Variants in TEX11 observed in about 807,000 individuals in gnomAD.
TEX11 encodes testis expressed 11, also known as testis-expressed protein 11.
A neutral mutation model predicts 84.4 loss-of-function variants in TEX11; 7 were observed. The observed-to-expected ratio is 0.08, with a 90% confidence interval of 0.05 to 0.16. The LOEUF is 0.16. Among genes scored for constraint, TEX11 ranks in the 10% least tolerant of loss-of-function variants. TEX11 has a pLI of 1.00. For synonymous variants in TEX11, 264 were observed against 222.8 expected (o/e 1.18, Z -1.64); for missense variants, 551 against 660.5 (o/e 0.83, Z 1.82).
intron 13 of TEX11, among the ~76,000 whole-genome samples, chrX:70,716,976 G>A (rs987777335): frequency 3.6e-4 from 41 of 112,417 alleles, no homozygotes; most frequent in African/African-American, 1.3e-3. Flanking sequence ...ATGTCAGAGA[G>A]TAAATAGATA....
At chrX:70,593,169 A>C (rs73542405) in intron 24 of TEX11, among the ~76,000 whole-genome samples, 5,483 of 110,355 alleles carry the variant, frequency 0.05, 288 homozygotes, top group African/African-American at 0.15. Flanking sequence ...CAATAGAAGA[A>C]GGTCATCTAG....
At chrX:70,758,025 T>G (rs979371252) in intron 9 of TEX11, among the ~76,000 whole-genome samples, 1 of 111,183 alleles carries the variant, frequency 9.0e-6, no homozygotes, top group Non-Finnish European at 1.9e-5. Context: ...AAGAGACAAA[T>G]AAGGCCATTA....
At chrX:70,628,861 A>G (rs1452554634) in intron 18 of TEX11, among the ~76,000 whole-genome samples, 1 of 112,628 alleles carries the variant, frequency 8.9e-6, no homozygotes, top group African/African-American at 3.2e-5. Context: ...CATTTGATGT[A>G]GAAAGCCAAA....
chrX:70,688,811 A>G (rs1411481489), intron 13 of TEX11, among the ~76,000 whole-genome samples: 1 of 105,378 alleles, frequency 9.5e-6, no homozygotes, highest in Non-Finnish European at 1.9e-5. Context: ...GATATTTTAT[A>G]TATATATATA....
At chrX:70,639,616 C>T in intron 17 of TEX11, among the ~76,000 whole-genome samples, 1 of 111,699 alleles carries the variant, frequency 9.0e-6, no homozygotes, top group Middle Eastern at 4.6e-3. Context: ...TGACCCCTGA[C>T]CCCCAAGCAG....
chrX:70,540,474 T>C (rs978409797), intron 28 of TEX11, among the ~76,000 whole-genome samples: 2 of 111,996 alleles, frequency 1.8e-5, no homozygotes, highest in Admixed American at 9.6e-5. Flanking sequence ...TTCTTTTTTT[T>C]TCAATTGTTT....
Position 70,727,420 on chromosome X carries a change from C to T in TEX11, c.844-2077G>A, listed in dbSNP as rs906191941. On this transcript the variant is annotated intron_variant, in intron 11 of 29. Transcript: ENST00000374333. ...TACAGAATAATAATAAAACAAACAC[C>T]GGTGTCCTCACTACCAAGGTTAAGA... 1.6e-4 allele frequency among the ~76,000 whole-genome samples: 18 copies of T among 111,300 alleles called. No homozygotes were observed. The East Asian group carries it at 1.7e-3, about 10-fold the overall frequency.
At chrX:70,813,450 G>A (rs1427337483) in intron 8 of TEX11, among the ~76,000 whole-genome samples, 2 of 111,512 alleles carry the variant, frequency 1.8e-5, no homozygotes, top group African/African-American at 6.5e-5. Context: ...GATGTATCTT[G>A]AAATAATAAG....
intron 14 of TEX11, among the ~76,000 whole-genome samples, chrX:70,681,355 T>C (rs1373037299): frequency 8.9e-6 from 1 of 112,474 alleles, no homozygotes; most frequent in African/African-American, 3.2e-5. Context: ...TAAGTGGAAT[T>C]TTAGGAAAAT....
At chrX:70,735,906 T>C (rs1569424381) in intron 11 of TEX11, among the ~76,000 whole-genome samples, 1 of 112,135 alleles carries the variant, frequency 8.9e-6, no homozygotes, top group African/African-American at 3.2e-5. Context: ...TACGTATTAT[T>C]TGGAGAATGT....
intron 2 of TEX11, among the ~76,000 whole-genome samples, chrX:70,902,343 T>G (rs1234949923): frequency 9.0e-6 from 1 of 111,423 alleles, no homozygotes; most frequent in Non-Finnish European, 1.9e-5. Flanking sequence ...TGGAAGTTGC[T>G]CTGGGTGAGT....
chrX:70,847,511 T>A (rs1373209604), intron 7 of TEX11, among the ~76,000 whole-genome samples: 1 of 111,256 alleles, frequency 9.0e-6, no homozygotes, highest in East Asian at 2.8e-4. Flanking sequence ...TCTCTGGTAT[T>A]CCTTCTTTTT....
intron 5 of TEX11, 23 bp downstream of exon 5, chrX:70,860,834 C>T: frequency 7.2e-6 from 8 of 1,113,444 alleles, no homozygotes; most frequent in Non-Finnish European, 9.8e-6. Flanking sequence ...TTCATCTCCA[C>T]TTTCTCCTAA....
chrX:70,667,654 G>A (rs542646931), intron 16 of TEX11, among the ~76,000 whole-genome samples: 70 of 112,061 alleles, frequency 6.2e-4, no homozygotes, highest in South Asian at 4.1e-3. Flanking sequence ...TAGGCCGGGC[G>A]CGGTGGCTCA....
chrX:70,760,335 C>T, intron 9 of TEX11, among the ~76,000 whole-genome samples: 1 of 111,695 alleles, frequency 9.0e-6, no homozygotes, highest in Admixed American at 9.5e-5. Flanking sequence ...AACAAAGCTG[C>T]AGGCATCATG....
chrX:70,756,830 G>A (rs1488870720), intron 9 of TEX11, among the ~76,000 whole-genome samples: 2 of 112,007 alleles, frequency 1.8e-5, no homozygotes, highest in African/African-American at 6.5e-5. Context: ...CCAAGCTAAA[G>A]GAGCATGTTC....
At chrX:70,890,022 C>T (rs1178944785) in intron 2 of TEX11, among the ~76,000 whole-genome samples, 3 of 110,795 alleles carry the variant, frequency 2.7e-5, no homozygotes, top group South Asian at 3.8e-4. Flanking sequence ...CCCATTGATC[C>T]CTTGCCTACA....
intron 25 of TEX11, among the ~76,000 whole-genome samples, chrX:70,555,835 T>C (rs1665195209): frequency 8.9e-6 from 1 of 112,270 alleles, no homozygotes; most frequent in Non-Finnish European, 1.9e-5. Flanking sequence ...CATAGGAGTA[T>C]ATATTTCTTC....
intron 11 of TEX11, 90 bp from the exon 12 acceptor site, chrX:70,725,433 T>C (rs979370794): frequency 9.1e-6 from 5 of 547,003 alleles, no homozygotes; most frequent in Non-Finnish European, 1.5e-5. Context: ...TCAACCACCT[T>C]GGGATAACTC....
Sources: allele counts gnomAD v4.1 joint callset (sites outside exome capture counted in the v4.1 genomes callset), GRCh38; gene constraint gnomAD v4.1.1; transcripts MANE v1.5; gene names NCBI Gene and HGNC (gene_info 2026-07-23, HGNC 2026-07-21).